Variants in ZBBX observed in about 807,000 individuals in gnomAD.
ZBBX encodes the protein zinc finger B-box domain containing, also known as zinc finger B-box domain-containing protein 1.
A neutral mutation model predicts 108.5 loss-of-function variants in ZBBX; 101 were observed. The ratio of observed to expected loss-of-function variants is 0.93; its 90% CI spans 0.79 to 1.10. The LOEUF is 1.10. Ranked by LOEUF, ZBBX falls within the 50% of genes least tolerant of loss-of-function variation. The pLI is 0.00. For synonymous variants in ZBBX, 356 were observed against 323.4 expected, an observed-to-expected ratio of 1.10 and a Z score of -1.08; for missense variants, 1,009 against 941.4, an observed-to-expected ratio of 1.07 and a Z score of -0.94.
At position 167,305,795 on chromosome 3, in the gene ZBBX, A is replaced by T. The variant is rs553588489; in HGVS notation, c.1573T>A (p.Ser525Thr). Residue 525 changes from serine to threonine, a missense_variant, in exon 17 of 22, where the codon TCA becomes ACA. Physicochemically the swap from Ser to Thr is moderately conservative, Grantham distance 58. Transcript: ENST00000675490. ...SNQKSDDSCV[S>T]LESKDTLLGR... ...AGCAAAGTGTCCTTGCTTTCAAGTG[A>T]TACACAGGAATCATCAGACTTTTGA... 1.2e-6 allele frequency: 2 copies of T among 1,612,908 alleles called. No individual in the cohort carries two copies. The highest frequency in any genetic ancestry group is 1.7e-5 in the Admixed American group (1 of 59,874).
chr3:167,401,268 T>C (rs985904905), intron 1 of ZBBX: 11 of 151,994 alleles, frequency 7.2e-5, no homozygotes, highest in African/African-American at 2.4e-4. Flanking sequence ...TCAAAAAACG[T>C]TTAAAAGTTC....
At chr3:167,318,855 A>T (rs1735915411) in intron 12 of ZBBX, among the ~76,000 whole-genome samples, 1 of 151,926 alleles carries the variant, frequency 6.6e-6, no homozygotes, top group Non-Finnish European at 1.5e-5. Flanking sequence ...ATTAGTTATA[A>T]ATGAATTACC....
In ZBBX at chr3:167,366,840, C is replaced by T. The variant is rs186526066; in HGVS notation, c.183-864G>A. The stretch of plus-strand genomic sequence containing the variant: ...TGAGTATCATGATCCATTTAGAAGT[C>T]CAAACTAAGTCCAAATCAGTGAAGG... On this transcript the variant is annotated intron_variant, in intron 5 of 21. Transcript: ENST00000675490. 2.5e-3 allele frequency: 1,129 copies of T among 455,948 alleles called. 4 individuals are homozygous for T. Among genetic ancestry groups the T allele is most frequent in the Non-Finnish European group, 3.2e-3 (735 of 226,530 alleles). 28.2% of individuals were successfully genotyped at this position (455,948 alleles called of 1,614,324 possible).
chr3:167,253,741 T>C (rs993140726), intron 20 of ZBBX, among the ~76,000 whole-genome samples: 2 of 152,074 alleles, frequency 1.3e-5, no homozygotes, highest in African/African-American at 4.8e-5. Context: ...CCACTCACAA[T>C]AAGCATAGGC....
At chr3:167,325,146 A>C (rs778983162) in intron 11 of ZBBX, among the ~76,000 whole-genome samples, 2 of 152,114 alleles carry the variant, frequency 1.3e-5, no homozygotes, top group Non-Finnish European at 2.9e-5. Flanking sequence ...TTGCTTTCCA[A>C]ACTCGTGTGA....
chr3:167,307,230 T>C (rs911073733), intron 16 of ZBBX, among the ~76,000 whole-genome samples: 1 of 152,118 alleles, frequency 6.6e-6, no homozygotes, highest in Non-Finnish European at 1.5e-5. Context: ...GGATGCCCTC[T>C]CTCACCACTC....
upstream of ZBBX, among the ~76,000 whole-genome samples, chr3:167,383,881 G>A (rs1305591918): frequency 6.6e-6 from 1 of 152,056 alleles, no homozygotes; most frequent in East Asian, 1.9e-4. Context: ...TAATTAATAT[G>A]TAATGTATTA....
chr3:167,184,066 A>G, the ZBBX span, among the ~76,000 whole-genome samples: 1 of 152,188 alleles, frequency 6.6e-6, no homozygotes, highest in African/African-American at 2.4e-5. Flanking sequence ...TCTATGTTTA[A>G]TTGATTATCA....
intron 8 of ZBBX, among the ~76,000 whole-genome samples, chr3:167,353,531 G>A (rs1250105169): frequency 6.6e-6 from 1 of 151,976 alleles, no homozygotes. Flanking sequence ...GGTAAAGACT[G>A]AAAAATTACA....
intron 4 of ZBBX, among the ~76,000 whole-genome samples, chr3:167,370,701 C>G (rs992563560): frequency 5.3e-5 from 8 of 152,028 alleles, no homozygotes; most frequent in African/African-American, 1.2e-4. Context: ...ATGTTATACA[C>G]GGAGCCATAA....
chr3:167,249,648 C>T (rs1722223674), intron 20 of ZBBX, among the ~76,000 whole-genome samples: 1 of 152,104 alleles, frequency 6.6e-6, no homozygotes, highest in South Asian at 2.1e-4. Context: ...TTCAGATGAC[C>T]CTGATAGATA....
intron 20 of ZBBX, among the ~76,000 whole-genome samples, chr3:167,277,565 T>C (rs1461944988): frequency 6.6e-6 from 1 of 152,174 alleles, no homozygotes; most frequent in Non-Finnish European, 1.5e-5. Context: ...TAAATATATA[T>C]GCACCCAATA....
At chr3:167,326,180 A>ATACTC (rs1026166874) in intron 11 of ZBBX, among the ~76,000 whole-genome samples, 1 of 152,206 alleles carries the variant, frequency 6.6e-6, no homozygotes, top group Non-Finnish European at 1.5e-5. Flanking sequence ...GCCATATAGA[A>ATACTC]TACTCTACAA....
intron 8 of ZBBX, among the ~76,000 whole-genome samples, chr3:167,357,505 T>C (rs1743776172): frequency 6.6e-6 from 1 of 152,088 alleles, no homozygotes; most frequent in African/African-American, 2.4e-5. Context: ...CAGTTCTAGG[T>C]ATACACCCAA....
chr3:167,209,596 C>T, the ZBBX span, among the ~76,000 whole-genome samples: 5 of 152,132 alleles, frequency 3.3e-5, no homozygotes, highest in South Asian at 1.0e-3. Context: ...ACCTAGAAAG[C>T]CTTCCCAAGA....
intron 3 of ZBBX, among the ~76,000 whole-genome samples, chr3:167,373,489 G>A (rs966939932): frequency 6.6e-6 from 1 of 152,050 alleles, no homozygotes; most frequent in Non-Finnish European, 1.5e-5. Flanking sequence ...ACAACATAAG[G>A]GTTAGGGGCA....
chr3:167,205,028 C>T, the ZBBX span, among the ~76,000 whole-genome samples: 9 of 151,810 alleles, frequency 5.9e-5, no homozygotes, highest in Admixed American at 5.9e-4. Flanking sequence ...TAGGAGGAGG[C>T]AGAGAGAGAA....
Position 167,317,662 on chromosome 3 carries a change from C to A in ZBBX, c.984-65G>T, listed in dbSNP as rs114052609. On this transcript the variant is annotated intron_variant, in intron 12 of 21. Coordinates refer to ENST00000675490, the MANE Select transcript of ZBBX (RefSeq NM_001199201.2). ...ATTACCTGAAACTTTCCCAGACAAGCTCTTGATTTATTTATCAAATGAATG... is the reference window on the plus strand; with the variant it reads ...ATTACCTGAAACTTTCCCAGACAAGATCTTGATTTATTTATCAAATGAATG... 5.0e-5 allele frequency: 53 copies of A among 1,055,922 alleles called. No homozygotes were observed. The African/African-American group carries it at 7.8e-4, about 15-fold the overall frequency. 65.4% of individuals were successfully genotyped at this position (1,055,922 alleles called of 1,614,324 possible).
the ZBBX span, among the ~76,000 whole-genome samples, chr3:167,181,297 C>A: frequency 6.6e-6 from 1 of 152,098 alleles, no homozygotes; most frequent in Non-Finnish European, 1.5e-5. Context: ...TTGTGCTCTC[C>A]ATTGTTGTAA....
Sources: gnomAD v4.1 joint callset for allele counts (sites outside exome capture counted in the v4.1 genomes callset) on GRCh38, gnomAD v4.1.1 for gene constraint, MANE v1.5 for transcripts, NCBI Gene and HGNC (gene_info 2026-07-23, HGNC 2026-07-21) for gene names.